Variants in CYTH3 observed in about 807,000 individuals in gnomAD.
The protein encoded by CYTH3 is cytohesin 3, also known as cytohesin-3.
Under a neutral mutation model 55.1 loss-of-function variants are expected in CYTH3, and 23 were observed. That is an observed-to-expected ratio of 0.42 (90% CI 0.30 to 0.59). CYTH3 has a LOEUF of 0.59. Ranked by LOEUF, CYTH3 falls within the 20% of genes least tolerant of loss-of-function variation. CYTH3 has a pLI of 0.20. For synonymous variants in CYTH3, 249 were observed against 194.9 expected (o/e 1.28, Z -2.31); for missense variants, 413 against 524.8 (o/e 0.79, Z 2.08).
chr7:6,198,009 G>A (rs1783974670), intron 1 of CYTH3, among the ~76,000 whole-genome samples: 2 of 151,174 alleles, frequency 1.3e-5, no homozygotes, highest in South Asian at 4.2e-4. Context: ...TGGGGGGATC[G>A]CTTGAGCCCT....
In CYTH3 at chr7:6,227,736, C is replaced by T. The variant is rs1244280589; in HGVS notation, c.35-37205G>A. Among the ~76,000 whole-genome samples, 6 of 152,206 alleles carry T rather than the reference C, an allele frequency of 3.9e-5. No homozygotes were observed. The South Asian group carries it at 1.0e-3, about 26-fold the overall frequency. On this transcript the variant is annotated intron_variant, in intron 1 of 12. Transcript: ENST00000350796. ...CGAAGTTTGTATTCCTCCACCCAAA[C>T]GGGTTGTCAAATTCTCTGTGCATGT...
At chr7:6,188,527 G>A (rs998903786) in intron 2 of CYTH3, among the ~76,000 whole-genome samples, 1 of 151,558 alleles carries the variant, frequency 6.6e-6, no homozygotes, top group Admixed American at 6.6e-5. Flanking sequence ...TCAGGCTGAA[G>A]CTCAGGTGTG....
At chr7:6,201,132 C>T (rs1201663024) in intron 1 of CYTH3, among the ~76,000 whole-genome samples, 1 of 152,328 alleles carries the variant, frequency 6.6e-6, no homozygotes, top group East Asian at 1.9e-4. Context: ...AAAGGGCAGG[C>T]TCTGAGCTGC....
chr7:6,225,160 T>C (rs955862590), intron 1 of CYTH3, among the ~76,000 whole-genome samples: 4 of 152,210 alleles, frequency 2.6e-5, no homozygotes, highest in Non-Finnish European at 4.4e-5. Flanking sequence ...TAATCTATCA[T>C]TATTGAATGT....
chr7:6,228,149 G>T (rs1332914433), intron 1 of CYTH3, among the ~76,000 whole-genome samples: 1 of 152,174 alleles, frequency 6.6e-6, no homozygotes, highest in African/African-American at 2.4e-5. Flanking sequence ...TTATTTCCTT[G>T]ATTCTCTATT....
intron 4 of CYTH3, among the ~76,000 whole-genome samples, chr7:6,186,631 A>G (rs1008341223): frequency 1.3e-5 from 2 of 152,210 alleles, no homozygotes; most frequent in Non-Finnish European, 2.9e-5. Context: ...CCCAGATTAT[A>G]AAGTCCGTAA....
chr7:6,263,602 C>A (rs1467397735), intron 1 of CYTH3, among the ~76,000 whole-genome samples: 1 of 152,104 alleles, frequency 6.6e-6, no homozygotes, highest in Non-Finnish European at 1.5e-5. Context: ...TCAAGACCAG[C>A]CTGGCCAACG....
rs1783175402 is a variant in CYTH3 at position 6,171,066 on chromosome 7, C to A, written c.563-88G>T. ...GCTGGGGGCCCGCCTGCAAGAGGTGCCCGGCCCACAGGTCGTCCTCGCTCA... is the reference window on the plus strand; with the variant it reads ...GCTGGGGGCCCGCCTGCAAGAGGTGACCGGCCCACAGGTCGTCCTCGCTCA... On this transcript the variant is annotated intron_variant, in intron 7 of 12. Coordinates refer to ENST00000350796, the MANE Select transcript of CYTH3 (RefSeq NM_004227.4). The surrounding 1 kb of genome is among the most constrained non-coding windows in gnomAD (Gnocchi z 6.7). 5.0e-6 allele frequency: 8 copies of A among 1,592,642 alleles called. No homozygotes were observed. The Admixed American group carries it at 1.4e-4, about 27-fold the overall frequency.
chr7:6,244,484 T>C (rs981050817), intron 1 of CYTH3, among the ~76,000 whole-genome samples: 2 of 152,182 alleles, frequency 1.3e-5, no homozygotes, highest in Admixed American at 1.3e-4. Flanking sequence ...TTTTGTTTTG[T>C]TTGAGACAGG....
chr7:6,173,404 C>T (rs960147287), intron 6 of CYTH3, among the ~76,000 whole-genome samples: 3 of 152,136 alleles, frequency 2.0e-5, no homozygotes, highest in African/African-American at 7.2e-5. Flanking sequence ...TAAAAGGAAA[C>T]GGAATGGAAG....
chr7:6,202,262 T>A (rs960141484), intron 1 of CYTH3, among the ~76,000 whole-genome samples: 1 of 151,844 alleles, frequency 6.6e-6, no homozygotes, highest in Non-Finnish European at 1.5e-5. Flanking sequence ...CACGGAAGAG[T>A]CCCTGAGGTC....
rs1473063275 is a variant in CYTH3 at position 6,171,137 on chromosome 7, G to A, written c.562+65C>T. On this transcript the variant is annotated intron_variant, in intron 7 of 12. Coordinates refer to ENST00000350796, the MANE Select transcript of CYTH3 (RefSeq NM_004227.4). This position sits in a 1 kb window ranked among gnomAD's most constrained non-coding sequence, Gnocchi z 6.7. ...ACACACGCTGGGCTGTGCCCACAGG[G>A]GCCGCCCCCTCCAGAGCTGGAGGCT... is the stretch of plus-strand genomic sequence containing the variant. The A allele has an allele frequency of 5.0e-6, 8 of 1,595,672 alleles. No homozygotes were observed. The highest frequency in any genetic ancestry group is 5.2e-6 in the Non-Finnish European group (6 of 1,164,788).
In CYTH3 at chr7:6,170,985, C is replaced by G. The variant is rs200809611; in HGVS notation, c.563-7G>C. 2.2e-4 allele frequency: 354 copies of G among 1,613,518 alleles called. 4 individuals carry two copies. The East Asian group carries it at 7.2e-3, about 33-fold the overall frequency. ...GACAGCACGTAGCACGTGTCTGCAA[C>G]GAGTCCGGGGTGCTGGGCTCAGCCA... On this transcript the variant is annotated splice_region_variant and splice_polypyrimidine_tract_variant and intron_variant, in intron 7 of 12. Coordinates refer to ENST00000350796, the MANE Select transcript of CYTH3 (RefSeq NM_004227.4). This position sits in a 1 kb window ranked among gnomAD's most constrained non-coding sequence, Gnocchi z 7.8.
intron 4 of CYTH3, among the ~76,000 whole-genome samples, chr7:6,180,409 G>C (rs1346738126): frequency 6.6e-6 from 1 of 152,244 alleles, no homozygotes; most frequent in Non-Finnish European, 1.5e-5. Context: ...TGTCCTATGA[G>C]ACAGAGAGGA....
Position 6,260,022 on chromosome 7 carries a change from G to T in CYTH3, c.34+12452C>A, listed in dbSNP as rs148831985. 1.0e-3 allele frequency among the ~76,000 whole-genome samples: 150 copies of T among 148,830 alleles called. No individual in the cohort carries two copies. The Middle Eastern group carries it at 0.014, about 13-fold the overall frequency. ...ATTTTGTATTTTTAGTAGAAACAGG[G>T]TTTCTCCATGTGGTCAGGCTGGTGT... On this transcript the variant is annotated intron_variant, in intron 1 of 12. Coordinates refer to ENST00000350796, the MANE Select transcript of CYTH3 (RefSeq NM_004227.4).
chr7:6,162,809 T>G lies in CYTH3; in HGVS notation c.*2135A>C, dbSNP rs1782875753. 1 of 152,572 alleles carries G rather than the reference T, an allele frequency of 6.6e-6. No homozygotes were observed. Among genetic ancestry groups the G allele is most frequent in the Admixed American group, 6.5e-5 (1 of 15,286 alleles). 9.5% of individuals were successfully genotyped at this position (152,572 alleles called of 1,614,324 possible). A position where few individuals can be genotyped will look rare whatever the true frequency, so the allele number is the denominator to read the frequency against. ...TCCCAACACCCAAAACAGAAAGCTC[T>G]GCATCCCCAGGTCACACCTGGGTTG... is the stretch of plus-strand genomic sequence containing the variant. On this transcript the variant is annotated 3_prime_UTR_variant, in exon 13 of 13. Transcript: ENST00000350796.
chr7:6,230,741 T>C (rs1249827755), intron 1 of CYTH3, among the ~76,000 whole-genome samples: 1 of 152,094 alleles, frequency 6.6e-6, no homozygotes, highest in Non-Finnish European at 1.5e-5. Flanking sequence ...AAAACAAGTC[T>C]ACAACATAGT....
chr7:6,272,101 G>A (rs1273595559), intron 1 of CYTH3, among the ~76,000 whole-genome samples: 1 of 152,182 alleles, frequency 6.6e-6, no homozygotes, highest in African/African-American at 2.4e-5. Flanking sequence ...GAAACGCCGG[G>A]CTCCGGAGGG....
chr7:6,177,671 C>G, intron 5 of CYTH3, 152 bp downstream of exon 5: 1 of 636,702 alleles, frequency 1.6e-6, no homozygotes, highest in Non-Finnish European at 2.8e-6. Context: ...GCACTGGGCT[C>G]GCTTGGTATT....
Sources: allele counts gnomAD v4.1 joint callset (sites outside exome capture counted in the v4.1 genomes callset), GRCh38; gene constraint gnomAD v4.1.1; non-coding constraint Gnocchi (gnomAD v3.1); transcripts MANE v1.5; gene names NCBI Gene and HGNC (gene_info 2026-07-23, HGNC 2026-07-21).